The following MYH11 variants were observed in gnomAD, a reference collection of about 807,000 sequenced individuals.
MYH11 encodes myosin heavy chain 11, also known as myosin-11.
MYH11 carries 80 observed loss-of-function variants against 246.6 expected under a neutral mutation model. The observed-to-expected ratio is 0.32, with a 90% CI of 0.27 to 0.39. The LOEUF (loss-of-function observed/expected upper bound fraction) is 0.39, where lower values mean the gene tolerates loss of function less well. Among genes scored for constraint, MYH11 ranks in the 10% least tolerant of loss-of-function variants. MYH11 has a pLI of 1.00. For missense variants in MYH11, 2,158 were observed against 2,546.8 expected, an observed-to-expected ratio of 0.85 and a Z score of 3.29; for synonymous variants, 1,071 against 1,015.5, an observed-to-expected ratio of 1.05 and a Z score of -1.04.
At chr16:15,780,612 A>G (rs1043950177) in intron 6 of MYH11, among the ~76,000 whole-genome samples, 1 of 149,934 alleles carries the variant, frequency 6.7e-6, no homozygotes, top group African/African-American at 2.5e-5. Context: ...CCTCCCGAGT[A>G]GCTGGGAATA....
chr16:15,784,206 T>G (rs563705974), intron 5 of MYH11, among the ~76,000 whole-genome samples: 176 of 151,798 alleles, frequency 1.2e-3, no homozygotes, highest in African/African-American at 4.0e-3. Flanking sequence ...GACACACTGG[T>G]GCACCAGGGA....
Position 15,738,694 on chromosome 16 carries a change from TG to T in MYH11, c.2998-7del. ...TCCTCAAGGAGTTTTCGTTCCTTTT[TG>T]GGGAAAGAGAAAGAGATAGCTTTAG... On this transcript the variant is annotated splice_region_variant and splice_polypyrimidine_tract_variant and intron_variant, in intron 23 of 40. Transcript: ENST00000300036. The T allele has an allele frequency of 6.2e-7, 1 of 1,613,534 alleles. No individual in the cohort carries two copies.
chr16:15,727,037 G>T lies in MYH11; in HGVS notation c.3669C>A (p.Asp1223Glu), dbSNP rs111940956. ...EQFKRAKANL[D>E]KNKQTLEKEN... is the part of the protein sequence containing the mutation. ...CTTTCTCCAGCGTCTGCTTATTCTTGTCTAGGTTCGCCTTGGCCTGGCGAA... is the reference window on the plus strand; with the variant it reads ...CTTTCTCCAGCGTCTGCTTATTCTTTTCTAGGTTCGCCTTGGCCTGGCGAA... Residue 1223 changes from aspartate to glutamate, a missense_variant, in exon 28 of 41, where the codon GAC becomes GAA. Physicochemically the swap from Asp to Glu is conservative, Grantham distance 45. This residue lies in a region of MYH11 where 1,013 missense variants were observed against 993.5 expected (regional missense o/e 1.02). Transcript: ENST00000300036. 1.1e-5 allele frequency: 18 copies of T among 1,611,632 alleles called. No homozygotes were observed. In the African/African-American group the frequency reaches 2.1e-4, roughly 19 times the overall value.
rs747490565 is a variant in MYH11, at chr16:15,750,075, G to A, written c.2058+63C>T. 7.5e-6 allele frequency: 12 copies of A among 1,599,276 alleles called. No individual in the cohort carries two copies. The highest frequency in any genetic ancestry group is 5.5e-5 in the South Asian group (5 of 90,350). On this transcript the variant is annotated intron_variant, in intron 16 of 40. Transcript: ENST00000300036. The surrounding 1 kb of genome is among the most constrained non-coding windows in gnomAD (Gnocchi z 4.3). ...TGGGGGCAGAGGGCGCCCTGGGGAC[G>A]CTGTGACCGCTTGGGACAGCCCTGG... is the stretch of plus-strand genomic sequence containing the variant.
intron 4 of MYH11, chr16:15,791,924 T>A (rs567933704): frequency 6.6e-6 from 1 of 152,226 alleles, no homozygotes; most frequent in Non-Finnish European, 1.5e-5. Flanking sequence ...ATCTCTAGCC[T>A]CAGCCTCCCA....
At chr16:15,796,293 G>A (rs1352671885) in intron 4 of MYH11, among the ~76,000 whole-genome samples, 1 of 152,130 alleles carries the variant, frequency 6.6e-6, no homozygotes, top group Admixed American at 6.6e-5. Flanking sequence ...AAGTTCTTTT[G>A]GATAGCACCG....
At chr16:15,834,603 TACAA>T (rs1201448969) in intron 2 of MYH11, among the ~76,000 whole-genome samples, 1 of 151,174 alleles carries the variant, frequency 6.6e-6, no homozygotes, top group East Asian at 1.9e-4. Context: ...AATTTTTCCA[TACAA>T]ACAGTGCCAC....
intron 28 of MYH11, 107 bp downstream of exon 28, chr16:15,726,741 A>ACTTGC: frequency 7.7e-7 from 1 of 1,293,620 alleles, no homozygotes; most frequent in African/African-American, 1.5e-5. Context: ...AGAGGAAAGG[A>ACTTGC]CTTGCCTTGC....
chr16:15,814,579 AAAAAAG>A (rs1379283048), intron 3 of MYH11, among the ~76,000 whole-genome samples: 4 of 113,122 alleles, frequency 3.5e-5, no homozygotes, highest in African/African-American at 1.3e-4. Flanking sequence ...AAAAAAAAAA[AAAAAAG>A]GTACCAAGAA....
intron 1 of MYH11, among the ~76,000 whole-genome samples, chr16:15,853,985 C>T (rs13335449): frequency 0.19 from 28,776 of 152,036 alleles, 3,349 homozygotes; most frequent in East Asian, 0.43. Flanking sequence ...GAGCCAAGAT[C>T]GCACCACTGC....
At position 15,727,067 on chromosome 16, in the gene MYH11, G is replaced by A. The variant is rs775855747; in HGVS notation, c.3652-13C>T. On this transcript the variant is annotated splice_polypyrimidine_tract_variant and intron_variant, in intron 27 of 40. Coordinates refer to ENST00000300036, the MANE Select transcript of MYH11 (RefSeq NM_002474.3). ...GGTTCGCCTTGGCCTGGCGAAGGAA[G>A]CAGAGGGGAGGGATAACAGGGAGGC... 3.3e-5 allele frequency: 54 copies of A among 1,612,392 alleles called. No individual in the cohort carries two copies. The highest frequency in any genetic ancestry group is 4.6e-5 in the Non-Finnish European group (54 of 1,179,672).
At chr16:15,743,895 G>T (rs1256035245) in intron 20 of MYH11, among the ~76,000 whole-genome samples, 1 of 152,130 alleles carries the variant, frequency 6.6e-6, no homozygotes. Context: ...GCATGTCTTT[G>T]TGCCATGGGG....
In MYH11 at chr16:15,756,965, A is replaced by AT. The variant is rs1424881327; in HGVS notation, c.1576-452dup. ...AGGCGCCTGCCACGGCGCCCGGCTG[A>AT]TTTTTTCTATTTTTAGTAGAGGCGG... On this transcript the variant is annotated intron_variant, in intron 13 of 40. Transcript: ENST00000300036. Among the ~76,000 whole-genome samples the AT allele has an allele frequency of 5.3e-5, 8 of 150,474 alleles. No homozygotes were observed. The East Asian group carries it at 9.9e-4, about 19-fold the overall frequency.
chr16:15,847,954 C>T (rs777294246), intron 1 of MYH11, among the ~76,000 whole-genome samples: 1 of 152,056 alleles, frequency 6.6e-6, no homozygotes, highest in Non-Finnish European at 1.5e-5. Flanking sequence ...CAAACAGTGG[C>T]GCAGTCAAGG....
chr16:15,736,283 G>A (rs2041115537), intron 25 of MYH11, among the ~76,000 whole-genome samples: 1 of 152,034 alleles, frequency 6.6e-6, no homozygotes, highest in East Asian at 1.9e-4. Context: ...TTGTTTTGTT[G>A]TTATTATTGT....
chr16:15,809,843 C>T (rs75803467), intron 3 of MYH11, among the ~76,000 whole-genome samples: 7,807 of 150,490 alleles, frequency 0.052, 625 homozygotes, highest in African/African-American at 0.18. Flanking sequence ...ATCACCTGAG[C>T]CTGGAGAGGC....
chr16:15,713,234 G>A (rs1035463105), intron 40 of MYH11: 1 of 151,862 alleles, frequency 6.6e-6, no homozygotes, highest in African/African-American at 2.4e-5. Context: ...TGGTGCCAGA[G>A]GGTTCAGCAT....
At chr16:15,781,581 G>C (rs892460187) in intron 6 of MYH11, among the ~76,000 whole-genome samples, 9 of 152,292 alleles carry the variant, frequency 5.9e-5, no homozygotes, top group African/African-American at 1.7e-4. Flanking sequence ...CGCTTCTTTT[G>C]CACAATAAAA....
intron 32 of MYH11, 22 bp downstream of exon 32, chr16:15,721,400 A>G (rs1446269734): frequency 6.2e-7 from 1 of 1,613,758 alleles, no homozygotes; most frequent in African/African-American, 1.3e-5. Context: ...ATGGACGAGA[A>G]AAACCACCCA....
Sources: allele counts gnomAD v4.1 joint callset (sites outside exome capture counted in the v4.1 genomes callset), GRCh38; gene constraint gnomAD v4.1.1; regional missense constraint gnomAD v4.1.1; non-coding constraint Gnocchi (gnomAD v3.1); transcripts MANE v1.5; gene names NCBI Gene and HGNC (gene_info 2026-07-23, HGNC 2026-07-21).